Variants in RAB3IP observed in about 807,000 individuals in gnomAD.
RAB3IP encodes the protein rab-3A-interacting protein.
A neutral mutation model predicts 59.1 loss-of-function variants in RAB3IP; 36 were observed. The observed-to-expected ratio is 0.61, with a 90% CI of 0.47 to 0.80. The LOEUF (loss-of-function observed/expected upper bound fraction) is 0.80. Ranked by LOEUF, RAB3IP falls within the 30% of genes least tolerant of loss-of-function variation. RAB3IP has a pLI of 0.00. For synonymous variants in RAB3IP, 207 were observed against 191.2 expected, an observed-to-expected ratio of 1.08 and a Z score of -0.68; for missense variants, 511 against 536.0, an observed-to-expected ratio of 0.95 and a Z score of 0.46.
chr12:69,741,738 G>T (rs1887365871), intron 1 of RAB3IP, among the ~76,000 whole-genome samples: 1 of 152,178 alleles, frequency 6.6e-6, no homozygotes, highest in African/African-American at 2.4e-5. Context: ...TTAGATGTCA[G>T]ACAGTTTGTC....
At chr12:69,742,903 C>T (rs929533811) in intron 1 of RAB3IP, among the ~76,000 whole-genome samples, 1 of 151,928 alleles carries the variant, frequency 6.6e-6, no homozygotes, top group Non-Finnish European at 1.5e-5. Context: ...TAGGGCAACA[C>T]GAAATTAGAT....
intron 4 of RAB3IP, among the ~76,000 whole-genome samples, chr12:69,791,569 C>T (rs1016128913): frequency 6.6e-6 from 1 of 152,236 alleles, no homozygotes; most frequent in Middle Eastern, 3.4e-3. Context: ...TGATAAGATA[C>T]CCAGCATCAG....
chr12:69,816,521 A>G lies in RAB3IP; in HGVS notation c.*1075A>G, dbSNP rs1160418794. 1 of 152,114 alleles carries G rather than the reference A, an allele frequency of 6.6e-6. No individual in the cohort carries two copies. The highest frequency in any genetic ancestry group is 1.5e-5 in the Non-Finnish European group (1 of 68,024). 9.4% of individuals were successfully genotyped at this position (152,114 alleles called of 1,614,324 possible). On this transcript the variant is annotated 3_prime_UTR_variant, in exon 11 of 11. Transcript: ENST00000247833. ...TATTTTCCCTTGGGTAAACCTACAC[A>G]TCCTAATCCCTGTTTATAGAATTTT...
chr12:69,790,996 A>G (rs989173519), intron 4 of RAB3IP, among the ~76,000 whole-genome samples: 2 of 152,206 alleles, frequency 1.3e-5, no homozygotes, highest in African/African-American at 4.8e-5. Context: ...ATAAAAACAG[A>G]CATGTGGACC....
At chr12:69,790,435 G>A (rs907182081) in intron 4 of RAB3IP, among the ~76,000 whole-genome samples, 15 of 152,244 alleles carry the variant, frequency 9.9e-5, no homozygotes, top group Non-Finnish European at 1.6e-4. Flanking sequence ...AGAGATTTGT[G>A]TTCATTGGTT....
intron 8 of RAB3IP, among the ~76,000 whole-genome samples, chr12:69,810,251 C>T (rs546392286): frequency 2.2e-4 from 33 of 152,292 alleles, no homozygotes; most frequent in African/African-American, 7.7e-4. Context: ...CTGATCGTTC[C>T]TCTGGAAGTT....
intron 4 of RAB3IP, among the ~76,000 whole-genome samples, chr12:69,791,475 C>T (rs1287846600): frequency 1.3e-5 from 2 of 151,940 alleles, no homozygotes; most frequent in East Asian, 1.9e-4. Context: ...CATGCAGTAG[C>T]AAAAAACAAC....
chr12:69,799,616 CT>C (rs891066047), intron 6 of RAB3IP, among the ~76,000 whole-genome samples: 3 of 151,130 alleles, frequency 2.0e-5, no homozygotes, highest in South Asian at 2.1e-4. Context: ...TTTACGTATT[CT>C]TTTTTTTTAA....
intron 8 of RAB3IP, among the ~76,000 whole-genome samples, chr12:69,804,115 A>G (rs1412507022): frequency 6.6e-6 from 1 of 152,194 alleles, no homozygotes; most frequent in Admixed American, 6.5e-5. Flanking sequence ...AGTCCCACCA[A>G]CAGTGTAAAA....
chr12:69,772,943 T>C (rs1409802389), intron 3 of RAB3IP, among the ~76,000 whole-genome samples: 2 of 152,194 alleles, frequency 1.3e-5, no homozygotes, highest in South Asian at 2.1e-4. Flanking sequence ...TTCTTTCAGA[T>C]TGAAGAAATC....
rs1881815232 is a variant in RAB3IP, at chr12:69,822,149, A to G, written c.*6703A>G. On this transcript the variant is annotated 3_prime_UTR_variant, in exon 11 of 11. Coordinates refer to ENST00000247833, the MANE Select transcript of RAB3IP (RefSeq NM_022456.5). ...TGGAGTCTAGGGTTAGCCAGAGGCT[A>G]CATGTTTTAGGCATCTTAATTCATA... is the stretch of plus-strand genomic sequence containing the variant. 1 of 152,180 alleles carries G rather than the reference A, an allele frequency of 6.6e-6. No individual in the cohort carries two copies. The highest frequency in any genetic ancestry group is 2.4e-5 in the African/African-American group (1 of 41,442). 9.4% of individuals were successfully genotyped at this position (152,180 alleles called of 1,614,324 possible). A position where few individuals can be genotyped will look rare whatever the true frequency, so the allele number is the denominator to read the frequency against.
rs1881044957 is a variant in RAB3IP at position 69,815,524 on chromosome 12, A to G, written c.*78A>G. On this transcript the variant is annotated 3_prime_UTR_variant, in exon 11 of 11. Transcript: ENST00000247833. Reference sequence around the variant, plus strand: ...ATATTTTTATGGTTACTTGATATTTATTTCCAAGGAGTGAGCCTAAGACTT... The same window carrying G: ...ATATTTTTATGGTTACTTGATATTTGTTTCCAAGGAGTGAGCCTAAGACTT... 1 of 1,065,294 alleles carries G rather than the reference A, an allele frequency of 9.4e-7. No homozygotes were observed. The highest frequency in any genetic ancestry group is 2.4e-5 in the East Asian group (1 of 41,908). 66.0% of individuals were successfully genotyped at this position (1,065,294 alleles called of 1,614,324 possible).
chr12:69,755,392 A>C lies in RAB3IP; in HGVS notation c.-17A>C, dbSNP rs780320204. The C allele has an allele frequency of 6.2e-7, 1 of 1,613,386 alleles. No homozygotes were observed. Among genetic ancestry groups the C allele is most frequent in the Admixed American group, 1.7e-5 (1 of 59,946 alleles). ...TTTTTGTTTTAACATAGGTTATCTT[A>C]TGATGAGGCTTTTGCTATGGCTAAT... On this transcript the variant is annotated 5_prime_UTR_variant, in exon 2 of 11. It removes an upstream start codon present in the reference 5' UTR. Coordinates refer to ENST00000247833, the MANE Select transcript of RAB3IP (RefSeq NM_022456.5).
At chr12:69,789,167 A>C (rs1876209691) in intron 4 of RAB3IP, among the ~76,000 whole-genome samples, 2 of 152,054 alleles carry the variant, frequency 1.3e-5, no homozygotes. Flanking sequence ...AGGGAATAAC[A>C]AAGATCAGAG....
At chr12:69,768,020 T>C (rs1386672588) in intron 3 of RAB3IP, among the ~76,000 whole-genome samples, 1 of 152,088 alleles carries the variant, frequency 6.6e-6, no homozygotes, top group South Asian at 2.1e-4. Flanking sequence ...AGGGAACCCC[T>C]CCACCAGGAT....
intron 3 of RAB3IP, among the ~76,000 whole-genome samples, chr12:69,768,915 G>T (rs1433036930): frequency 6.6e-6 from 1 of 152,116 alleles, no homozygotes; most frequent in Non-Finnish European, 1.5e-5. Flanking sequence ...ATAGGGTTTG[G>T]CTGTGTCCCC....
At chr12:69,800,973 G>T (rs1592595434) in intron 7 of RAB3IP, among the ~76,000 whole-genome samples, 1 of 152,154 alleles carries the variant, frequency 6.6e-6, no homozygotes, top group African/African-American at 2.4e-5. Flanking sequence ...CTTACCAGGA[G>T]AAGTTAAGAT....
intron 3 of RAB3IP, among the ~76,000 whole-genome samples, chr12:69,773,172 G>A (rs1873437792): frequency 1.3e-5 from 2 of 151,924 alleles, no homozygotes; most frequent in Non-Finnish European, 2.9e-5. Flanking sequence ...AGGCATATTG[G>A]AATTCTTTTG....
At chr12:69,785,190 G>A (rs1390856567) in intron 4 of RAB3IP, among the ~76,000 whole-genome samples, 1 of 152,208 alleles carries the variant, frequency 6.6e-6, no homozygotes, top group African/African-American at 2.4e-5. Flanking sequence ...TTTGAGAAAT[G>A]TTAGAAGGCA....
Sources: gnomAD v4.1 joint callset for allele counts (sites outside exome capture counted in the v4.1 genomes callset) on GRCh38, gnomAD v4.1.1 for gene constraint, MANE v1.5 for transcripts, NCBI Gene and HGNC (gene_info 2026-07-23, HGNC 2026-07-21) for gene names.